LHFPL2: variants seen among roughly 807,000 people sequenced by gnomAD.
LHFPL2 encodes the protein LHFPL tetraspan subfamily member 2.
Under a neutral mutation model 17.5 loss-of-function variants are expected in LHFPL2, and 7 were observed. That is an observed-to-expected ratio of 0.40 (90% CI 0.23 to 0.75). The LOEUF (loss-of-function observed/expected upper bound fraction) is 0.75. Ranked by LOEUF, LHFPL2 falls within the 30% of genes least tolerant of loss-of-function variation. The pLI is 0.37. For synonymous variants in LHFPL2, 134 were observed against 116.2 expected, an observed-to-expected ratio of 1.15 and a Z score of -0.99; for missense variants, 241 against 294.8, an observed-to-expected ratio of 0.82 and a Z score of 1.34.
intron 4 of LHFPL2, among the ~76,000 whole-genome samples, chr5:78,499,519 C>G (rs931636533): frequency 6.6e-6 from 1 of 152,182 alleles, no homozygotes; most frequent in African/African-American, 2.4e-5. Flanking sequence ...ACTTCCTGAG[C>G]CTTATCCTAG....
chr5:78,539,977 A>G (rs758784726), intron 3 of LHFPL2, among the ~76,000 whole-genome samples: 27 of 152,174 alleles, frequency 1.8e-4, no homozygotes, highest in Admixed American at 1.5e-3. Context: ...TGTTCTCTCA[A>G]TATTTCATAT....
At chr5:78,537,195 T>G (rs1240128747) in intron 3 of LHFPL2, among the ~76,000 whole-genome samples, 4 of 152,182 alleles carry the variant, frequency 2.6e-5, no homozygotes, top group Non-Finnish European at 5.9e-5. Flanking sequence ...GATCCACCTC[T>G]GCTCCCTGGA....
intron 2 of LHFPL2, among the ~76,000 whole-genome samples, chr5:78,603,360 T>TC (rs2112475995): frequency 6.6e-6 from 1 of 152,322 alleles, no homozygotes; most frequent in South Asian, 2.1e-4. Flanking sequence ...AAAACTGTTA[T>TC]CCCCCATCAG....
intron 3 of LHFPL2, among the ~76,000 whole-genome samples, chr5:78,530,314 C>T (rs1303328132): frequency 1.3e-5 from 2 of 151,994 alleles, no homozygotes; most frequent in African/African-American, 4.8e-5. Flanking sequence ...GAAAATTAAC[C>T]ATTTTTGGTT....
chr5:78,535,733 G>A (rs1038468153), intron 3 of LHFPL2, among the ~76,000 whole-genome samples: 1 of 152,200 alleles, frequency 6.6e-6, no homozygotes, highest in Admixed American at 6.5e-5. Flanking sequence ...CCCCGACACT[G>A]CCGCATGGCT....
At chr5:78,570,612 T>A (rs1457904461) in intron 2 of LHFPL2, among the ~76,000 whole-genome samples, 6 of 148,766 alleles carry the variant, frequency 4.0e-5, no homozygotes, top group African/African-American at 1.5e-4. Flanking sequence ...TAACCTTGAA[T>A]ATATATATAC....
intron 4 of LHFPL2, among the ~76,000 whole-genome samples, chr5:78,492,686 GT>G (rs1754484075): frequency 6.6e-6 from 1 of 152,196 alleles, no homozygotes; most frequent in Admixed American, 6.5e-5. Flanking sequence ...GACTCTTGCT[GT>G]TGTTTAAGTC....
chr5:78,499,226 C>T (rs1754698068), intron 4 of LHFPL2, among the ~76,000 whole-genome samples: 1 of 152,232 alleles, frequency 6.6e-6, no homozygotes, highest in Admixed American at 6.5e-5. Context: ...ACAATGGATA[C>T]TTTAGTTGGA....
At chr5:78,594,935 T>TAA (rs1460166159) in intron 2 of LHFPL2, among the ~76,000 whole-genome samples, 18 of 152,246 alleles carry the variant, frequency 1.2e-4, no homozygotes. Flanking sequence ...GCTAGCCTTC[T>TAA]GAGTGGGTGC....
chr5:78,507,733 A>C (rs929525908), intron 4 of LHFPL2, among the ~76,000 whole-genome samples: 9 of 152,182 alleles, frequency 5.9e-5, no homozygotes, highest in African/African-American at 1.9e-4. Context: ...AAATCAATAA[A>C]GCCCATAATA....
At chr5:78,489,174 CAGATT>C in intron 4 of LHFPL2, 21 bp from the exon 5 acceptor site, 1 of 1,612,754 alleles carries the variant, frequency 6.2e-7, no homozygotes, top group Non-Finnish European at 8.5e-7. Context: ...AAAGAGAAAA[CAGATT>C]AGAAAATCCC....
At chr5:78,521,626 G>C (rs1755461096) in intron 3 of LHFPL2, among the ~76,000 whole-genome samples, 1 of 152,226 alleles carries the variant, frequency 6.6e-6, no homozygotes, top group Non-Finnish European at 1.5e-5. Context: ...CAATAGCAAA[G>C]GTCAGGGGTG....
chr5:78,520,037 C>T (rs1434740471), intron 3 of LHFPL2, among the ~76,000 whole-genome samples: 1 of 151,230 alleles, frequency 6.6e-6, no homozygotes, highest in Non-Finnish European at 1.5e-5. Flanking sequence ...TTCCTCATCT[C>T]TAAAGTGGGG....
intron 4 of LHFPL2, among the ~76,000 whole-genome samples, chr5:78,494,963 T>A (rs1754558878): frequency 6.6e-6 from 1 of 152,152 alleles, no homozygotes; most frequent in South Asian, 2.1e-4. Context: ...TTGCACTGAG[T>A]GTGATCAGAC....
At chr5:78,508,108 A>G (rs983612610) in intron 4 of LHFPL2, among the ~76,000 whole-genome samples, 1 of 152,198 alleles carries the variant, frequency 6.6e-6, no homozygotes, top group Non-Finnish European at 1.5e-5. Flanking sequence ...GGGGAGAGTC[A>G]TCTTCAGAAG....
At chr5:78,519,377 A>G (rs1435372503) in intron 3 of LHFPL2, among the ~76,000 whole-genome samples, 1 of 152,142 alleles carries the variant, frequency 6.6e-6, no homozygotes, top group Admixed American at 6.5e-5. Flanking sequence ...GTGGCTGATA[A>G]TTCTGGGTTC....
chr5:78,645,444 A>G (rs911134595), intron 1 of LHFPL2, among the ~76,000 whole-genome samples: 2 of 151,924 alleles, frequency 1.3e-5, no homozygotes, highest in African/African-American at 4.8e-5. Context: ...AAGAAGTACT[A>G]TTGTGCTAAG....
intron 1 of LHFPL2, among the ~76,000 whole-genome samples, chr5:78,632,571 G>C (rs909104423): frequency 2.6e-5 from 4 of 152,152 alleles, no homozygotes; most frequent in African/African-American, 9.7e-5. Flanking sequence ...GGTAACTGCA[G>C]CCAGGTAGCT....
At position 78,488,526 on chromosome 5, in the gene LHFPL2, G is replaced by A. The variant is rs1754326166; in HGVS notation, c.*371C>T. 1 of 265,378 alleles carries A rather than the reference G, an allele frequency of 3.8e-6. No individual in the cohort carries two copies. The highest frequency in any genetic ancestry group is 7.4e-6 in the Non-Finnish European group (1 of 135,240). The allele number at this position is 265,378 out of a possible 1,614,324, so 16.4% of individuals were successfully genotyped here. A position where few individuals can be genotyped will look rare whatever the true frequency, so the allele number is the denominator to read the frequency against. On this transcript the variant is annotated 3_prime_UTR_variant, in exon 5 of 5. Transcript: ENST00000380345. ...AGGCAGAGATGCTCACAAGCAAGCA[G>A]TGTTGGAGCAGAAACAGCCTGCAGA...
Sources: allele counts gnomAD v4.1 joint callset (sites outside exome capture counted in the v4.1 genomes callset), GRCh38; gene constraint gnomAD v4.1.1; transcripts MANE v1.5; gene names NCBI Gene and HGNC (gene_info 2026-07-23, HGNC 2026-07-21).